CNTN1: variants seen among roughly 807,000 people sequenced by gnomAD.
CNTN1 encodes the protein contactin 1, also known as contactin-1.
Under a neutral mutation model 126.4 loss-of-function variants are expected in CNTN1, and 38 were observed. That is an observed-to-expected ratio of 0.30 (90% CI 0.23 to 0.39). The LOEUF is 0.39. Among genes scored for constraint, CNTN1 ranks in the 10% least tolerant of loss-of-function variants. The pLI, the probability that CNTN1 is intolerant of heterozygous loss-of-function variation, is 1.00. For missense variants in CNTN1, 1,009 were observed against 1,248.4 expected (o/e 0.81, Z 2.89); for synonymous variants, 413 against 422.6 (o/e 0.98, Z 0.28).
At chr12:40,714,665 T>G (rs1942004616) in intron 1 of CNTN1, among the ~76,000 whole-genome samples, 1 of 152,140 alleles carries the variant, frequency 6.6e-6, no homozygotes, top group Admixed American at 6.6e-5. Context: ...ATGAATTTTT[T>G]TTATAGAAAT....
chr12:40,756,018 T>G (rs1480648870), intron 1 of CNTN1, among the ~76,000 whole-genome samples: 2 of 152,106 alleles, frequency 1.3e-5, no homozygotes, highest in Non-Finnish European at 2.9e-5. Context: ...TGTGTTTTGT[T>G]TTTCTAGCCA....
intron 1 of CNTN1, among the ~76,000 whole-genome samples, chr12:40,817,374 T>C (rs1941291351): frequency 6.6e-6 from 1 of 152,166 alleles, no homozygotes. Context: ...GCTCTTCTTG[T>C]TGAATTGTTC....
At chr12:40,758,561 T>C (rs1266447111) in intron 1 of CNTN1, among the ~76,000 whole-genome samples, 1 of 152,174 alleles carries the variant, frequency 6.6e-6, no homozygotes, top group African/African-American at 2.4e-5. Context: ...TGTAATATTT[T>C]GCATCCCAGC....
At chr12:40,956,785 T>C (rs557692160) in intron 14 of CNTN1, among the ~76,000 whole-genome samples, 1 of 152,122 alleles carries the variant, frequency 6.6e-6, no homozygotes, top group South Asian at 2.1e-4. Context: ...TTTATCTGCT[T>C]TTATGGAGAC....
intron 23 of CNTN1, among the ~76,000 whole-genome samples, chr12:41,052,603 A>G (rs1218980859): frequency 6.6e-6 from 1 of 152,042 alleles, no homozygotes; most frequent in African/African-American, 2.4e-5. Flanking sequence ...AAACTATCAG[A>G]AAGTCTTTTT....
intron 23 of CNTN1, among the ~76,000 whole-genome samples, chr12:41,032,347 G>A (rs1309363263): frequency 5.7e-5 from 8 of 140,248 alleles, no homozygotes; most frequent in Admixed American, 3.7e-4. Flanking sequence ...CAGCCTGGGC[G>A]ACAGAGCGAG....
intron 15 of CNTN1, among the ~76,000 whole-genome samples, chr12:40,967,480 A>AAAAAC: frequency 6.6e-6 from 1 of 152,212 alleles, no homozygotes; most frequent in African/African-American, 2.4e-5. Flanking sequence ...ACTGTCTCAA[A>AAAAAC]AAAACAAAAC....
At chr12:40,838,997 A>G (rs1942178137) in intron 1 of CNTN1, among the ~76,000 whole-genome samples, 1 of 152,250 alleles carries the variant, frequency 6.6e-6, no homozygotes, top group Non-Finnish European at 1.5e-5. Context: ...ACACAAGAGA[A>G]GTCTGAAAAT....
At chr12:40,750,675 C>T (rs1052837336) in intron 1 of CNTN1, among the ~76,000 whole-genome samples, 2 of 151,910 alleles carry the variant, frequency 1.3e-5, no homozygotes, top group Admixed American at 1.3e-4. Flanking sequence ...AATTAAAAAG[C>T]ATGGACACCA....
chr12:40,709,690 C>T (rs1036063444), intron 1 of CNTN1, among the ~76,000 whole-genome samples: 1 of 152,204 alleles, frequency 6.6e-6, no homozygotes, highest in Admixed American at 6.5e-5. Flanking sequence ...TCACCACATC[C>T]TGCTTCACTT....
chr12:40,774,924 G>A (rs2136439246), intron 1 of CNTN1, among the ~76,000 whole-genome samples: 1 of 151,594 alleles, frequency 6.6e-6, no homozygotes, highest in African/African-American at 2.4e-5. Context: ...TTTGATATAA[G>A]TATACAATAT....
At chr12:41,056,935 A>AAATATTATAAATATTTAGATATTTAT (rs1566233998) in intron 23 of CNTN1, among the ~76,000 whole-genome samples, 1 of 100,298 alleles carries the variant, frequency 1.0e-5, no homozygotes, top group Non-Finnish European at 2.0e-5. Flanking sequence ...AGATATTTAT[A>AAATATTATAAATATTTAGATATTTAT]AATATTTATA....
At chr12:40,994,605 C>T (rs1948169315) in intron 17 of CNTN1, among the ~76,000 whole-genome samples, 1 of 152,018 alleles carries the variant, frequency 6.6e-6, no homozygotes, top group African/African-American at 2.4e-5. Flanking sequence ...ACATATGCAG[C>T]TCTAGGGAAT....
chr12:40,800,254 G>A (rs944720787), intron 1 of CNTN1, among the ~76,000 whole-genome samples: 1 of 151,860 alleles, frequency 6.6e-6, no homozygotes, highest in African/African-American at 2.4e-5. Context: ...GCCACCCTAC[G>A]AAGAAGGTGC....
intron 22 of CNTN1, 49 bp downstream of exon 22, chr12:41,028,018 T>G (rs2120841939): frequency 7.5e-7 from 1 of 1,339,220 alleles, no homozygotes; most frequent in Non-Finnish European, 1.1e-6. Flanking sequence ...GCTATTTCAG[T>G]GAAACCCAAG....
chr12:40,862,022 T>C (rs1245496172), intron 1 of CNTN1, among the ~76,000 whole-genome samples: 2 of 150,936 alleles, frequency 1.3e-5, no homozygotes, highest in Non-Finnish European at 2.9e-5. Context: ...GAGACCAGCC[T>C]GGGCAGCCGA....
chr12:40,755,045 G>T (rs1938544892), intron 1 of CNTN1, among the ~76,000 whole-genome samples: 1 of 151,724 alleles, frequency 6.6e-6, no homozygotes, highest in Non-Finnish European at 1.5e-5. Context: ...AAAAAAGTTA[G>T]CTGGGCATGG....
At chr12:40,782,085 A>T (rs1939825834) in intron 1 of CNTN1, among the ~76,000 whole-genome samples, 1 of 151,974 alleles carries the variant, frequency 6.6e-6, no homozygotes, top group African/African-American at 2.4e-5. Context: ...GTTACATAAT[A>T]GTAATTTGAG....
chr12:40,767,240 T>C (rs1939130847), intron 1 of CNTN1, among the ~76,000 whole-genome samples: 1 of 151,574 alleles, frequency 6.6e-6, no homozygotes, highest in Non-Finnish European at 1.5e-5. Flanking sequence ...AATACTATGA[T>C]ATAAGATGTT....
Sources: allele counts gnomAD v4.1 joint callset (sites outside exome capture counted in the v4.1 genomes callset), GRCh38; gene constraint gnomAD v4.1.1; transcripts MANE v1.5; gene names NCBI Gene and HGNC (gene_info 2026-07-23, HGNC 2026-07-21).